Variants in DNAH11 observed in about 807,000 individuals in gnomAD.
The protein encoded by DNAH11 is axonemal beta dynein heavy chain 11.
In DNAH11, 442 loss-of-function variants were observed where a neutral mutation model predicts 526.0. The observed-to-expected ratio is 0.84, with a 90% CI of 0.78 to 0.91. DNAH11 has a LOEUF of 0.91. DNAH11 is among the 40% of genes least tolerant of loss of function. DNAH11 has a pLI of 0.00. For synonymous variants in DNAH11, 2,461 were observed against 1,935.9 expected, an observed-to-expected ratio of 1.27 and a Z score of -7.12; for missense variants, 6,989 against 5,448.7, an observed-to-expected ratio of 1.28 and a Z score of -8.90.
At chr7:21,881,569 T>C (rs1783925986) in intron 75 of DNAH11, among the ~76,000 whole-genome samples, 1 of 152,240 alleles carries the variant, frequency 6.6e-6, no homozygotes, top group South Asian at 2.1e-4. Context: ...AAGGATTTTC[T>C]AGCTTAATCC....
intron 30 of DNAH11, among the ~76,000 whole-genome samples, chr7:21,673,004 A>G (rs1231483724): frequency 6.6e-6 from 1 of 152,084 alleles, no homozygotes; most frequent in African/African-American, 2.4e-5. Context: ...ATACACCCCA[A>G]TGGTGGTCAA....
At chr7:21,568,832 A>C (rs1488995841) in intron 6 of DNAH11, among the ~76,000 whole-genome samples, 1 of 152,186 alleles carries the variant, frequency 6.6e-6, no homozygotes, top group African/African-American at 2.4e-5. Context: ...AGACACATTT[A>C]CTATAAAGAA....
At chr7:21,868,527 A>C (rs1170640651) in intron 72 of DNAH11, among the ~76,000 whole-genome samples, 1 of 152,188 alleles carries the variant, frequency 6.6e-6, no homozygotes, top group Non-Finnish European at 1.5e-5. Flanking sequence ...TATCTACCAC[A>C]TGTTGCTCCT....
At position 21,765,559 on chromosome 7, in the gene DNAH11, G is replaced by A; in HGVS notation, c.9072G>A (p.Arg3024=). ...AGGAGGCTCTGGTCTCCGTCAGCAG[G>A]AGGTTCATTGAGGAAACCAAGGGAA... ...WPQEALVSVS[R]RFIEETKGIE... The change falls in exon 55 of 82, where the codon AGG becomes AGA. Residue 3024 remains arginine, a synonymous_variant. Coordinates refer to ENST00000409508, the MANE Select transcript of DNAH11 (RefSeq NM_001277115.2). 1 of 1,603,102 alleles carries A rather than the reference G, an allele frequency of 6.2e-7. No homozygotes were observed. Among genetic ancestry groups the A allele is most frequent in the Non-Finnish European group, 8.5e-7 (1 of 1,172,712 alleles).
At chr7:21,568,051 A>G (rs2128435248) in intron 6 of DNAH11, among the ~76,000 whole-genome samples, 1 of 152,268 alleles carries the variant, frequency 6.6e-6, no homozygotes, top group South Asian at 2.1e-4. Flanking sequence ...TGTGGAGTGG[A>G]GCTGTCAGGA....
chr7:21,757,101 G>T (rs1002527410), intron 54 of DNAH11, among the ~76,000 whole-genome samples: 3 of 152,328 alleles, frequency 2.0e-5, no homozygotes, highest in Middle Eastern at 3.4e-3. Flanking sequence ...AACCAATTCA[G>T]TGCACACATT....
chr7:21,893,850 A>C (rs1462673990), intron 77 of DNAH11, among the ~76,000 whole-genome samples: 6 of 152,220 alleles, frequency 3.9e-5, no homozygotes, highest in Non-Finnish European at 7.3e-5. Context: ...GAATTTGCTT[A>C]CGCTTAAAAG....
intron 61 of DNAH11, among the ~76,000 whole-genome samples, chr7:21,792,421 A>G (rs147992737): frequency 6.6e-6 from 1 of 152,308 alleles, no homozygotes; most frequent in East Asian, 1.9e-4. Flanking sequence ...GGTCTCATCA[A>G]ATGAGTGTGG....
chr7:21,658,845 G>C lies in DNAH11; in HGVS notation c.5142G>C (p.Val1714=), dbSNP rs1020114265. 1 of 1,603,694 alleles carries C rather than the reference G, an allele frequency of 6.2e-7. No homozygotes were observed. Among genetic ancestry groups the C allele is most frequent in the Non-Finnish European group, 8.5e-7 (1 of 1,175,146 alleles). Residue 1714 remains valine, a synonymous_variant, in exon 30 of 82, where the codon GTG becomes GTC. Transcript: ENST00000409508. ...TTGAACAGACTATGCAAGAAACGGTGCGTCATTCTATAACAGAAGCCATAG... is the reference window on the plus strand; with the variant it reads ...TTGAACAGACTATGCAAGAAACGGTCCGTCATTCTATAACAGAAGCCATAG... The part of the protein sequence containing the change: ...LQLEQTMQET[V]RHSITEAIVA...
intron 14 of DNAH11, among the ~76,000 whole-genome samples, chr7:21,593,939 T>TCA (rs1423779316): frequency 6.6e-6 from 1 of 151,166 alleles, no homozygotes; most frequent in East Asian, 1.9e-4. Flanking sequence ...ACACTCTCTT[T>TCA]CACACACACA....
At chr7:21,850,644 A>C (rs1583771489) in intron 66 of DNAH11, among the ~76,000 whole-genome samples, 1 of 97,038 alleles carries the variant, frequency 1.0e-5, no homozygotes, top group African/African-American at 4.2e-5. Context: ...CTCTAAGTAT[A>C]CCTTGTACTT....
At chr7:21,894,481 T>C (rs946145598) in intron 77 of DNAH11, 142 bp from the exon 78 acceptor site, 3 of 799,312 alleles carry the variant, frequency 3.8e-6, no homozygotes, top group East Asian at 2.7e-5. Context: ...CTGGGAGCCG[T>C]AGGCATCCTT....
At chr7:21,619,847 G>A (rs1392707433) in intron 24 of DNAH11, 109 bp from the exon 25 acceptor site, 4 of 1,034,194 alleles carry the variant, frequency 3.9e-6, no homozygotes, top group Non-Finnish European at 5.7e-6. Context: ...AATAATACTT[G>A]ATATCAGTTT....
rs375971549 is a variant in DNAH11, at chr7:21,895,403, C to A, written c.13049+404C>A. The stretch of plus-strand genomic sequence containing the variant: ...ACTTTGCAAGCCTGAGATTCCTCTG[C>A]CTTCTCATAGACAACCTTTGAAAGT... On this transcript the variant is annotated intron_variant, in intron 79 of 81. Transcript: ENST00000409508. 5.9e-5 allele frequency among the ~76,000 whole-genome samples: 9 copies of A among 152,296 alleles called. 1 individual carries two copies. In the East Asian group the frequency reaches 1.2e-3, roughly 20 times the overall value.
At chr7:21,694,269 T>C (rs780452507) in intron 35 of DNAH11, among the ~76,000 whole-genome samples, 18 of 152,136 alleles carry the variant, frequency 1.2e-4, no homozygotes, top group Non-Finnish European at 2.5e-4. Context: ...GCAATGGTCG[T>C]TTGCTGCACC....
chr7:21,560,930 T>C, intron 4 of DNAH11, 141 bp from the exon 5 acceptor site: 1 of 623,634 alleles, frequency 1.6e-6, no homozygotes, highest in Non-Finnish European at 2.7e-6. Flanking sequence ...TATTTTCAAC[T>C]GGAAACCAGA....
At chr7:21,763,173 C>G (rs1215003506) in intron 54 of DNAH11, among the ~76,000 whole-genome samples, 1 of 151,710 alleles carries the variant, frequency 6.6e-6, no homozygotes, top group Non-Finnish European at 1.5e-5. Flanking sequence ...AAAACCCTGT[C>G]TCTACTAAAA....
At position 21,899,968 on chromosome 7, in the gene DNAH11, A is replaced by ATATT. The variant is rs528000635; in HGVS notation, c.13163-10_13163-7dup. 1,102 of 1,612,996 alleles carry ATATT rather than the reference A, an allele frequency of 6.8e-4. 1 individual carries two copies. Among genetic ancestry groups the ATATT allele is most frequent in the African/African-American group, 5.3e-3 (395 of 74,948 alleles). On this transcript the variant is annotated splice_polypyrimidine_tract_variant and intron_variant, in intron 80 of 81. Coordinates refer to ENST00000409508, the MANE Select transcript of DNAH11 (RefSeq NM_001277115.2). ...ACTTTTATCCTATTCAATTTTTGTT[A>ATATT]TATTTCCAAAGCAATCATGCAGACG...
In DNAH11 at chr7:21,615,132, G is replaced by T. The variant is rs1369525489; in HGVS notation, c.3871G>T (p.Ala1291Ser). 1 of 1,611,914 alleles carries T rather than the reference G, an allele frequency of 6.2e-7. No homozygotes were observed. Among genetic ancestry groups the T allele is most frequent in the Non-Finnish European group, 8.5e-7 (1 of 1,179,044 alleles). The change falls in exon 21 of 82, where the codon GCC becomes TCC. Residue 1291 changes from alanine to serine, a missense_variant. Coordinates refer to ENST00000409508, the MANE Select transcript of DNAH11 (RefSeq NM_001277115.2). ...TCCTTAGGCAAATGAAGAGCTTGAG[G>T]CCTTAGAAGAAGAAATGTTGCAGAT... ...ALDKANEELEALEEEMLQMQE... is the reference protein window; with the variant it reads ...ALDKANEELESLEEEMLQMQE...
Sources: allele counts gnomAD v4.1 joint callset (sites outside exome capture counted in the v4.1 genomes callset), GRCh38; gene constraint gnomAD v4.1.1; transcripts MANE v1.5; gene names NCBI Gene and HGNC (gene_info 2026-07-23, HGNC 2026-07-21).